MED27: variants seen among roughly 807,000 people sequenced by gnomAD.
MED27 encodes the protein mediator of RNA polymerase II transcription subunit 27.
MED27 carries 30 observed loss-of-function variants against 38.2 expected under a neutral mutation model. The observed-to-expected ratio is 0.79, with a 90% CI of 0.59 to 1.07. The LOEUF (loss-of-function observed/expected upper bound fraction) is 1.07, where lower values mean the gene tolerates loss of function less well. Among genes scored for constraint, MED27 ranks in the 50% least tolerant of loss-of-function variants. The probability of loss-of-function intolerance (pLI) is 0.00; values close to 1 mark genes in which losing one functional copy is unlikely to be tolerated. For missense variants in MED27, 289 were observed against 397.5 expected (o/e 0.73, Z 2.32); for synonymous variants, 122 against 153.5 (o/e 0.79, Z 1.52).
chr9:132,026,480 C>T (rs957515318), intron 2 of MED27, among the ~76,000 whole-genome samples: 2 of 152,158 alleles, frequency 1.3e-5, no homozygotes, highest in African/African-American at 2.4e-5. Context: ...GTGTATCTAC[C>T]TTTACTCTTT....
chr9:132,058,865 A>T (rs944136610), intron 2 of MED27, among the ~76,000 whole-genome samples: 1 of 152,254 alleles, frequency 6.6e-6, no homozygotes, highest in Non-Finnish European at 1.5e-5. Flanking sequence ...TTTTACGGTC[A>T]CAGTGTCTGA....
chr9:132,073,278 C>T (rs537502531), intron 2 of MED27: 4 of 968,586 alleles, frequency 4.1e-6, no homozygotes, highest in African/African-American at 1.8e-5. Context: ...AATGGAAATG[C>T]CCTCACTGTA....
At chr9:131,946,263 C>G (rs1350321299) in intron 3 of MED27, among the ~76,000 whole-genome samples, 1 of 152,094 alleles carries the variant, frequency 6.6e-6, no homozygotes, top group Non-Finnish European at 1.5e-5. Context: ...GGACATATAC[C>G]CAGTAGCAGA....
At chr9:131,973,457 C>CT (rs747946439) in intron 3 of MED27, among the ~76,000 whole-genome samples, 40,645 of 122,142 alleles carry the variant, frequency 0.33, 7,222 homozygotes, top group African/African-American at 0.4. Context: ...TTTTTCTTTT[C>CT]TTTTTTTTTT....
chr9:132,016,998 C>T (rs1832617677), intron 2 of MED27, among the ~76,000 whole-genome samples: 1 of 152,112 alleles, frequency 6.6e-6, no homozygotes, highest in Admixed American at 6.6e-5. Context: ...TCTTCTTCCC[C>T]CAAAACAAAA....
At chr9:131,878,737 C>T (rs1247899468) in intron 6 of MED27, among the ~76,000 whole-genome samples, 2 of 152,142 alleles carry the variant, frequency 1.3e-5, no homozygotes, top group East Asian at 1.9e-4. Flanking sequence ...CAGTGGCTGC[C>T]CCTGCAGAGT....
At chr9:132,015,010 G>C (rs1184873312) in intron 2 of MED27, among the ~76,000 whole-genome samples, 1 of 152,090 alleles carries the variant, frequency 6.6e-6, no homozygotes, top group African/African-American at 2.4e-5. Context: ...GGGAAGTCTT[G>C]CTACCACCAT....
At chr9:132,004,522 G>C (rs1178526867) in intron 3 of MED27, among the ~76,000 whole-genome samples, 3 of 152,044 alleles carry the variant, frequency 2.0e-5, no homozygotes, top group Non-Finnish European at 4.4e-5. Flanking sequence ...AAGCCCCGGG[G>C]GCCTGCTCTC....
chr9:131,961,115 G>A lies in MED27; in HGVS notation c.480-21641C>T, dbSNP rs558689685. ...GGTCTCTGCTGATCTAAATGGGTAC[G>A]AAAACAAGGAGGCTGAGCTCTTGCT... On this transcript the variant is annotated intron_variant, in intron 3 of 7. Transcript: ENST00000292035. Among the ~76,000 whole-genome samples the A allele has an allele frequency of 1.4e-4, 21 of 152,318 alleles. 1 individual carries two copies. Among genetic ancestry groups the A allele is most frequent in the African/African-American group, 2.2e-4 (9 of 41,558 alleles).
rs1350515608 is a variant in MED27, at chr9:132,079,849, C to A, written c.-5G>T. 1.9e-6 allele frequency: 3 copies of A among 1,574,640 alleles called. No homozygotes were observed. Among genetic ancestry groups the A allele is most frequent in the Admixed American group, 3.8e-5 (2 of 53,052 alleles). On this transcript the variant is annotated 5_prime_UTR_variant, in exon 1 of 8. Transcript: ENST00000292035. ...GACATTTATCACGTCCGCCATGTTG[C>A]CGCCGCCACAGCAGCTCTCCAAAGC...
chr9:131,868,093 G>C (rs911549388), intron 6 of MED27, among the ~76,000 whole-genome samples: 4 of 152,140 alleles, frequency 2.6e-5, no homozygotes, highest in African/African-American at 9.7e-5. Context: ...CAGGGTGGAG[G>C]GTTTTCACAA....
At chr9:131,956,863 G>A (rs975937163) in intron 3 of MED27, among the ~76,000 whole-genome samples, 2 of 151,094 alleles carry the variant, frequency 1.3e-5, no homozygotes, top group East Asian at 3.9e-4. Flanking sequence ...CAGCAGAGTA[G>A]GACTAGAAGA....
At chr9:131,893,205 G>A (rs1389010349) in intron 5 of MED27, among the ~76,000 whole-genome samples, 1 of 152,134 alleles carries the variant, frequency 6.6e-6, no homozygotes, top group East Asian at 1.9e-4. Flanking sequence ...TCCGTGCTGA[G>A]AGTGGCCTGG....
chr9:132,006,634 C>T (rs990006801), intron 3 of MED27, among the ~76,000 whole-genome samples: 11 of 151,818 alleles, frequency 7.2e-5, no homozygotes, highest in African/African-American at 2.4e-4. Context: ...GAGTTTTATA[C>T]CTGTATGGCA....
Position 132,076,335 on chromosome 9 carries a change from C to T in MED27, c.348+1107G>A, listed in dbSNP as rs187265330. On this transcript the variant is annotated intron_variant, in intron 2 of 7. Transcript: ENST00000292035. ...GGCAGTCCAGAGTTTTGGGGAAAGG[C>T]TTTACAGGCTAAATGTATGCATTCA... 1.1e-4 allele frequency among the ~76,000 whole-genome samples: 16 copies of T among 152,198 alleles called. No homozygotes were observed. In the East Asian group the frequency reaches 3.1e-3, roughly 29 times the overall value.
chr9:132,079,534 G>A, intron 1 of MED27, 108 bp downstream of exon 1: 3 of 1,000,474 alleles, frequency 3.0e-6, no homozygotes, highest in Non-Finnish European at 4.7e-6. Context: ...AAAGAACAGG[G>A]ATCAAGGGAA....
intron 3 of MED27, among the ~76,000 whole-genome samples, chr9:131,956,373 C>T (rs999026037): frequency 1.3e-5 from 2 of 152,048 alleles, no homozygotes; most frequent in Non-Finnish European, 2.9e-5. Context: ...AAATGCACTT[C>T]GGGAGGCCGA....
chr9:131,950,993 C>G (rs993348720), intron 3 of MED27, among the ~76,000 whole-genome samples: 6 of 152,192 alleles, frequency 3.9e-5, no homozygotes, highest in Non-Finnish European at 7.3e-5. Context: ...AAGTTGTGCC[C>G]TTCCTCTCCC....
At chr9:131,908,873 TTAA>T (rs1169299847) in intron 4 of MED27, among the ~76,000 whole-genome samples, 3 of 88,506 alleles carry the variant, frequency 3.4e-5, no homozygotes, top group African/African-American at 1.0e-4. Flanking sequence ...GAATGATCAA[TTAA>T]AAAAAAAAAA....
Sources: allele counts gnomAD v4.1 joint callset (sites outside exome capture counted in the v4.1 genomes callset), GRCh38; gene constraint gnomAD v4.1.1; transcripts MANE v1.5; gene names NCBI Gene and HGNC (gene_info 2026-07-23, HGNC 2026-07-21).